The following ZPLD1 variants were observed in gnomAD, a reference collection of about 807,000 sequenced individuals.
The protein encoded by ZPLD1 is zona pellucida-like domain-containing protein 1.
ZPLD1 carries 34 observed loss-of-function variants against 47.2 expected under a neutral mutation model. The observed-to-expected ratio is 0.72, with a 90% CI of 0.55 to 0.96. The LOEUF (loss-of-function observed/expected upper bound fraction) is 0.96, where lower values mean the gene tolerates loss of function less well. Among genes scored for constraint, ZPLD1 ranks in the 40% least tolerant of loss-of-function variants. The pLI is 0.00. For missense variants in ZPLD1, 512 were observed against 505.8 expected (o/e 1.01, Z -0.12); for synonymous variants, 176 against 186.2 (o/e 0.95, Z 0.45).
chr3:102,462,223 T>C (rs1422120643), intron 6 of ZPLD1, 58 bp from the exon 7 acceptor site: 4 of 1,040,396 alleles, frequency 3.8e-6, no homozygotes, highest in Non-Finnish European at 5.8e-6. Flanking sequence ...TTGTTTTAAG[T>C]AGTAAGTGTG....
At chr3:102,457,335 A>C (rs536944288) in intron 5 of ZPLD1, among the ~76,000 whole-genome samples, 2 of 152,290 alleles carry the variant, frequency 1.3e-5, no homozygotes, top group African/African-American at 4.8e-5. Context: ...CACACTGAAC[A>C]CATTCTTGAG....
intron 4 of ZPLD1, 110 bp downstream of exon 4, chr3:102,453,249 T>C (rs1018608433): frequency 3.1e-6 from 3 of 978,582 alleles, no homozygotes; most frequent in Admixed American, 2.6e-5. Flanking sequence ...AAAATAAAAT[T>C]GAACAAATCA....
intron 7 of ZPLD1, among the ~76,000 whole-genome samples, chr3:102,395,368 T>A (rs780458993): frequency 1.3e-5 from 2 of 152,110 alleles, no homozygotes; most frequent in Non-Finnish European, 2.9e-5. Flanking sequence ...TCCCAGTAGG[T>A]CCAATGTAGT....
rs1226016587 is a variant in ZPLD1 at position 102,455,947 on chromosome 3, CT to C, written c.328-245del. On this transcript the variant is annotated intron_variant, in intron 4 of 11. Coordinates refer to ENST00000466937, the MANE Select transcript of ZPLD1 (RefSeq NM_001329788.2). ...AATTACTTATTGTAACCCTTCGAAC[CT>C]ATAATCTCCTTTCTTTTTTATAAAG... Among the ~76,000 whole-genome samples the C allele has an allele frequency of 3.3e-5, 5 of 152,108 alleles. No individual in the cohort carries two copies. The East Asian group carries it at 7.7e-4, about 23-fold the overall frequency.
chr3:102,472,303 G>C (rs1707697651), intron 10 of ZPLD1, among the ~76,000 whole-genome samples: 1 of 152,116 alleles, frequency 6.6e-6, no homozygotes, highest in African/African-American at 2.4e-5. Context: ...AGGCTGAGGG[G>C]GGTGGATAAC....
In ZPLD1 at chr3:102,409,317, G is replaced by T. The variant is rs528053182; in HGVS notation, c.-156-8743G>T. Among the ~76,000 whole-genome samples the T allele has an allele frequency of 2.6e-5, 4 of 151,800 alleles. No homozygotes were observed. In the South Asian group the frequency reaches 8.3e-4, roughly 32 times the overall value. On this transcript the variant is annotated intron_variant, in intron 7 of 17. Coordinates refer to the ZPLD1 transcript ENST00000491959. ...GTGTAGGAGGACACTCCTTGTTCTC[G>T]AGATAATGGCATTAATCTATTTATG... is the stretch of plus-strand genomic sequence containing the variant.
intron 6 of ZPLD1, among the ~76,000 whole-genome samples, chr3:102,388,429 GTCTCTC>G (rs71781267): frequency 3.7e-5 from 5 of 135,932 alleles, no homozygotes; most frequent in Admixed American, 7.4e-5. Context: ...CTCTCCTGGA[GTCTCTC>G]TCTCTCTCTC....
intron 7 of ZPLD1, among the ~76,000 whole-genome samples, chr3:102,402,727 C>A (rs1284861797): frequency 6.6e-6 from 1 of 151,812 alleles, no homozygotes; most frequent in Non-Finnish European, 1.5e-5. Context: ...TTTATTCAAG[C>A]AAAAACCCAG....
chr3:102,458,199 T>A lies in ZPLD1; in HGVS notation c.582+346T>A, dbSNP rs575409913. ...GCTTCAAGATTTAGGAAATATATAT[T>A]TTTTTTATGTGTGATACAAAGATTT... On this transcript the variant is annotated intron_variant, in intron 6 of 11. Coordinates refer to ENST00000466937, the MANE Select transcript of ZPLD1 (RefSeq NM_001329788.2). Among the ~76,000 whole-genome samples, 192 of 152,074 alleles carry A rather than the reference T, an allele frequency of 1.3e-3. 1 individual carries two copies. The highest frequency in any genetic ancestry group is 3.7e-3 in the African/African-American group (154 of 41,502).
chr3:102,392,388 G>A (rs143723222), intron 7 of ZPLD1, among the ~76,000 whole-genome samples: 150 of 152,260 alleles, frequency 9.9e-4, no homozygotes, highest in African/African-American at 3.4e-3. Flanking sequence ...GGAAGTCCAA[G>A]GTCAAGGGAC....
chr3:102,426,662 G>A (rs1276996991), intron 8 of ZPLD1, among the ~76,000 whole-genome samples: 1 of 152,012 alleles, frequency 6.6e-6, no homozygotes, highest in Non-Finnish European at 1.5e-5. Flanking sequence ...AATTAATATG[G>A]TGCTAATTGA....
chr3:102,463,192 A>G (rs1186828585), intron 7 of ZPLD1, among the ~76,000 whole-genome samples: 1 of 152,160 alleles, frequency 6.6e-6, no homozygotes, highest in Non-Finnish European at 1.5e-5. Context: ...AAATGTGAGC[A>G]AAATCTAACC....
At chr3:102,401,510 T>G (rs1471419211) in intron 7 of ZPLD1, among the ~76,000 whole-genome samples, 1 of 152,110 alleles carries the variant, frequency 6.6e-6, no homozygotes, top group Non-Finnish European at 1.5e-5. Flanking sequence ...TGGTGCTTTG[T>G]CTTCACACGA....
chr3:102,451,008 A>G (rs910608379), intron 3 of ZPLD1, among the ~76,000 whole-genome samples: 9 of 152,196 alleles, frequency 5.9e-5, no homozygotes, highest in Admixed American at 5.9e-4. Flanking sequence ...CCACCAACAA[A>G]GGAAATATTG....
chr3:102,459,125 C>A (rs1707468083), intron 6 of ZPLD1, among the ~76,000 whole-genome samples: 2 of 137,110 alleles, frequency 1.5e-5, no homozygotes, highest in African/African-American at 2.9e-5. Context: ...AAAAAGGAAG[C>A]TGCCAAGATA....
intron 7 of ZPLD1, among the ~76,000 whole-genome samples, chr3:102,396,725 G>A (rs2107288490): frequency 6.6e-6 from 1 of 152,242 alleles, no homozygotes; most frequent in Admixed American, 6.5e-5. Context: ...TAAAGCCTGA[G>A]CCTTTGACCA....
chr3:102,411,569 A>G (rs1706747702), intron 7 of ZPLD1, among the ~76,000 whole-genome samples: 1 of 151,820 alleles, frequency 6.6e-6, no homozygotes, highest in South Asian at 2.1e-4. Context: ...TGAAGCAAGT[A>G]TGATTCTATC....
intron 1 of ZPLD1, among the ~76,000 whole-genome samples, chr3:102,435,945 A>G (rs1209171844): frequency 1.3e-5 from 2 of 152,172 alleles, no homozygotes; most frequent in South Asian, 2.1e-4. Context: ...CCTGGCCATT[A>G]TCTTGATTTT....
intron 7 of ZPLD1, among the ~76,000 whole-genome samples, chr3:102,393,153 T>C (rs545418870): frequency 1.3e-5 from 2 of 152,128 alleles, no homozygotes; most frequent in South Asian, 2.1e-4. Flanking sequence ...AAGGTGGAAA[T>C]TGAGCTAGAG....
Sources: allele counts gnomAD v4.1 joint callset (sites outside exome capture counted in the v4.1 genomes callset), GRCh38; gene constraint gnomAD v4.1.1; transcripts MANE v1.5; gene names NCBI Gene and HGNC (gene_info 2026-07-23, HGNC 2026-07-21).